Variants in ITGAE observed in about 807,000 individuals in gnomAD.
ITGAE encodes integrin alpha-E.
Under a neutral mutation model 136.5 loss-of-function variants are expected in ITGAE, and 99 were observed. The ratio of observed to expected loss-of-function variants is 0.73; its 90% confidence interval spans 0.62 to 0.86. The LOEUF is 0.86. ITGAE is among the 40% of genes least tolerant of loss of function. The pLI is 0.00. For synonymous variants in ITGAE, 613 were observed against 591.8 expected (o/e 1.04, Z -0.52); for missense variants, 1,447 against 1,515.3 (o/e 0.95, Z 0.75).
At chr17:3,746,463 T>C (rs2051716788) in intron 17 of ITGAE, among the ~76,000 whole-genome samples, 1 of 151,312 alleles carries the variant, frequency 6.6e-6, no homozygotes, top group Non-Finnish European at 1.5e-5. Flanking sequence ...TTTTTTCTTT[T>C]TTTTTTTCCT....
intron 1 of ITGAE, among the ~76,000 whole-genome samples, chr17:3,790,970 C>G (rs892018088): frequency 6.6e-6 from 1 of 151,904 alleles, no homozygotes; most frequent in African/African-American, 2.4e-5. Flanking sequence ...CTGGCTAACA[C>G]GGTGAAACCC....
chr17:3,744,481 CT>C, intron 18 of ITGAE, among the ~76,000 whole-genome samples: 1 of 139,158 alleles, frequency 7.2e-6, no homozygotes, highest in East Asian at 2.1e-4. Flanking sequence ...GAGTCTCGCT[CT>C]GTCGCCCAGG....
At chr17:3,758,002 C>T (rs1333314183) in intron 8 of ITGAE, 143 bp from the exon 9 acceptor site, 1 of 951,820 alleles carries the variant, frequency 1.1e-6, no homozygotes. Context: ...GTGATGCCCC[C>T]TTAAGTCACG....
intron 30 of ITGAE, among the ~76,000 whole-genome samples, chr17:3,716,147 G>C (rs2050939089): frequency 6.6e-6 from 1 of 150,554 alleles, no homozygotes; most frequent in African/African-American, 2.5e-5. Context: ...CTCAAGCCTG[G>C]GCGAAAGAGC....
chr17:3,747,116 T>A (rs1282060777), intron 17 of ITGAE, among the ~76,000 whole-genome samples: 4 of 152,174 alleles, frequency 2.6e-5, no homozygotes, highest in African/African-American at 9.7e-5. Flanking sequence ...ACCTCCTTTC[T>A]GGGAACAGTC....
chr17:3,791,395 G>C (rs2052935802), intron 1 of ITGAE, among the ~76,000 whole-genome samples: 1 of 151,864 alleles, frequency 6.6e-6, no homozygotes, highest in Non-Finnish European at 1.5e-5. Context: ...TGATTCTCCT[G>C]CCTCAGCCTC....
At chr17:3,761,823 T>C (rs955132431) in intron 4 of ITGAE, 92 bp downstream of exon 4, 1 of 1,112,232 alleles carries the variant, frequency 9.0e-7, no homozygotes, top group Admixed American at 2.0e-5. Flanking sequence ...GGGAACAGCA[T>C]GGCAGTCAGA....
intron 28 of ITGAE, chr17:3,721,521 TC>T (rs1328051986): frequency 6.6e-6 from 1 of 151,866 alleles, no homozygotes; most frequent in Non-Finnish European, 1.5e-5. Context: ...CAAGCAATCC[TC>T]CCGCCTCAGC....
At chr17:3,795,816 C>T (rs1490516925) in intron 1 of ITGAE, among the ~76,000 whole-genome samples, 3 of 146,956 alleles carry the variant, frequency 2.0e-5, no homozygotes, top group Non-Finnish European at 4.5e-5. Context: ...TGTGTGCATC[C>T]GTGTGCATCC....
chr17:3,752,359 G>A (rs1328692686), intron 14 of ITGAE, among the ~76,000 whole-genome samples: 2 of 152,218 alleles, frequency 1.3e-5, no homozygotes, highest in Non-Finnish European at 2.9e-5. Context: ...CCGAGCCCCA[G>A]CTTCCTCACC....
rs571555154 is a variant in ITGAE at position 3,716,803 on chromosome 17, A to C, written c.3334-5T>G. The C allele has an allele frequency of 6.9e-5, 103 of 1,500,648 alleles. 2 individuals carry two copies. In the South Asian group the frequency reaches 1.2e-3, roughly 17 times the overall value. The allele number at this position is 1,500,648 out of a possible 1,614,324, so 93.0% of individuals were successfully genotyped here. A position where few individuals can be genotyped will look rare whatever the true frequency, so the allele number is the denominator to read the frequency against. ...TTTCAGGAAGACGACAGTGATCTAG[A>C]CAAGACAAAGAGATCGCCCAATAAA... is the stretch of plus-strand genomic sequence containing the variant. On this transcript the variant is annotated splice_region_variant and splice_polypyrimidine_tract_variant and intron_variant, in intron 29 of 30. Transcript: ENST00000263087.
At chr17:3,728,218 T>G (rs770301065) in intron 24 of ITGAE, 50 bp from the exon 25 acceptor site, 2 of 1,420,342 alleles carry the variant, frequency 1.4e-6, no homozygotes, top group Admixed American at 3.3e-5. Context: ...TTCTCCCTTT[T>G]TTGGAGACAG....
chr17:3,784,648 C>T (rs555796151), intron 1 of ITGAE, among the ~76,000 whole-genome samples: 1 of 152,276 alleles, frequency 6.6e-6, no homozygotes, highest in Admixed American at 6.5e-5. Context: ...CCACCTCAGC[C>T]TCCTAAAGTG....
At chr17:3,717,570 G>C (rs149318660) in intron 29 of ITGAE, 1 of 152,226 alleles carries the variant, frequency 6.6e-6, no homozygotes, top group Non-Finnish European at 1.5e-5. Context: ...CCAGGACTTA[G>C]GTGGGGCCAG....
intron 1 of ITGAE, among the ~76,000 whole-genome samples, chr17:3,786,186 A>G (rs1329643345): frequency 2.7e-5 from 4 of 150,056 alleles, no homozygotes; most frequent in African/African-American, 9.8e-5. Context: ...AAAAAAAAAA[A>G]GTAAGAGGAT....
At chr17:3,726,485 C>T (rs2051216235) in intron 26 of ITGAE, 1 of 619,650 alleles carries the variant, frequency 1.6e-6, no homozygotes, top group East Asian at 2.6e-5. Context: ...CAAATGGAAA[C>T]TGAAATATTT....
intron 20 of ITGAE, 73 bp downstream of exon 20, chr17:3,739,732 T>A: frequency 7.9e-7 from 1 of 1,269,386 alleles, no homozygotes; most frequent in East Asian, 2.3e-5. Flanking sequence ...CAGGGTGTCC[T>A]AATGAAGGAA....
At chr17:3,790,876 C>T (rs1287160887) in intron 1 of ITGAE, among the ~76,000 whole-genome samples, 4 of 151,974 alleles carry the variant, frequency 2.6e-5, no homozygotes, top group African/African-American at 4.8e-5. Flanking sequence ...ATTTGGAGGC[C>T]GGGCATGGTG....
chr17:3,738,821 C>T (rs1034961861), intron 20 of ITGAE: 2 of 152,282 alleles, frequency 1.3e-5, no homozygotes, highest in African/African-American at 4.8e-5. Context: ...TCACTTTAAA[C>T]TGTTACTCCC....
Sources: gnomAD v4.1 joint callset for allele counts (sites outside exome capture counted in the v4.1 genomes callset) on GRCh38, gnomAD v4.1.1 for gene constraint, MANE v1.5 for transcripts, NCBI Gene and HGNC (gene_info 2026-07-23, HGNC 2026-07-21) for gene names.